NEMP2: variants seen among roughly 807,000 people sequenced by gnomAD.
NEMP2 encodes the protein nuclear envelope integral membrane protein 2.
In NEMP2, 53 loss-of-function variants were observed where a neutral mutation model predicts 54.2. That is an observed-to-expected ratio of 0.98 (90% CI 0.78 to 1.23). The LOEUF is 1.23. NEMP2 is among the 50% of genes most tolerant of loss of function. The pLI is 0.00. For missense variants in NEMP2, 455 were observed against 511.3 expected (o/e 0.89, Z 1.06); for synonymous variants, 197 against 190.3 (o/e 1.04, Z -0.29).
At chr2:190,571,785 G>A in the NEMP2 span, among the ~76,000 whole-genome samples, 34 of 152,166 alleles carry the variant, frequency 2.2e-4, 1 homozygote, top group African/African-American at 7.7e-4. Flanking sequence ...ACAATAACTG[G>A]TTTGTCTCTT....
the NEMP2 span, among the ~76,000 whole-genome samples, chr2:190,637,835 GCTTAGTGTGTATCC>G: frequency 1.3e-5 from 2 of 152,202 alleles, no homozygotes; most frequent in East Asian, 3.8e-4. This position sits in a 1 kb window ranked among gnomAD's most constrained non-coding sequence, Gnocchi z 4.5. Flanking sequence ...GTGCTTATAG[GCTTAGTGTGTATCC>G]CTCAGTCAGT....
At chr2:190,490,076 T>C in the NEMP2 span, among the ~76,000 whole-genome samples, 1 of 146,674 alleles carries the variant, frequency 6.8e-6, no homozygotes. The surrounding 1 kb of genome is among the most constrained non-coding windows in gnomAD (Gnocchi z 4.5). Flanking sequence ...AGCTTGGGGT[T>C]TTCTTGTTTT....
chr2:190,518,419 T>C (rs1166812280), intron 4 of NEMP2, among the ~76,000 whole-genome samples: 2 of 152,154 alleles, frequency 1.3e-5, no homozygotes, highest in Non-Finnish European at 2.9e-5. Flanking sequence ...TAAGAACTAG[T>C]AGTGTGATGA....
the NEMP2 span, among the ~76,000 whole-genome samples, chr2:190,639,742 G>A: frequency 1.3e-5 from 2 of 151,788 alleles, no homozygotes; most frequent in East Asian, 1.9e-4. Flanking sequence ...TCAGCCTCCC[G>A]GGTTCAAGTG....
chr2:190,571,574 C>A, the NEMP2 span, among the ~76,000 whole-genome samples: 1 of 137,218 alleles, frequency 7.3e-6, no homozygotes, highest in Non-Finnish European at 1.7e-5. Context: ...AATAATAAAC[C>A]TTTTCCTTTA....
At chr2:190,538,920 C>T (rs62181056), upstream of NEMP2, among the ~76,000 whole-genome samples, 1 of 151,990 alleles carries the variant, frequency 6.6e-6, no homozygotes, top group Non-Finnish European at 1.5e-5. The surrounding 1 kb of genome is among the most constrained non-coding windows in gnomAD (Gnocchi z 4.1). Context: ...TTGTCTCTTC[C>T]GTTTGTTGAG....
chr2:190,570,097 G>A, the NEMP2 span, among the ~76,000 whole-genome samples: 3 of 152,160 alleles, frequency 2.0e-5, no homozygotes, highest in Non-Finnish European at 2.9e-5. This position sits in a 1 kb window ranked among gnomAD's most constrained non-coding sequence, Gnocchi z 5.4. Context: ...ACCCAGTGTT[G>A]TACAATTATG....
At chr2:190,538,634 CCT>C (rs1691452226), upstream of NEMP2, among the ~76,000 whole-genome samples, 2 of 151,602 alleles carry the variant, frequency 1.3e-5, no homozygotes, top group African/African-American at 4.9e-5. The surrounding 1 kb of genome is among the most constrained non-coding windows in gnomAD (Gnocchi z 4.1). Context: ...TATGTTATTC[CCT>C]GTCTTTTTGA....
chr2:190,566,015 A>G, the NEMP2 span, among the ~76,000 whole-genome samples: 118,241 of 142,868 alleles, frequency 0.83, 49,087 homozygotes, highest in Admixed American at 0.86. Context: ...CTTACTGGAT[A>G]TGGCCACAGG....
At chr2:190,494,593 A>T in the NEMP2 span, among the ~76,000 whole-genome samples, 1 of 152,186 alleles carries the variant, frequency 6.6e-6, no homozygotes, top group East Asian at 1.9e-4. The surrounding 1 kb of genome is among the most constrained non-coding windows in gnomAD (Gnocchi z 5.7). Flanking sequence ...CAATGCAAAA[A>T]TCCTTAACAA....
chr2:190,452,242 C>T, the NEMP2 span, among the ~76,000 whole-genome samples: 1 of 151,986 alleles, frequency 6.6e-6, no homozygotes, highest in Non-Finnish European at 1.5e-5. Flanking sequence ...GAGACAGAGC[C>T]AGACTCCATC....
Position 190,519,216 on chromosome 2 carries a change from G to A in NEMP2, c.214-33C>T. On this transcript the variant is annotated intron_variant, in intron 2 of 8. Transcript: ENST00000409150. The surrounding 1 kb of genome is among the most constrained non-coding windows in gnomAD (Gnocchi z 5.4). ...ACAAGAACAAGCAAATCCATAAACA[G>A]AATAACTTCTCTTTTTTGTTTTGGA... 7.1e-7 allele frequency: 1 copy of A among 1,412,532 alleles called. No homozygotes were observed. The highest frequency in any genetic ancestry group is 9.7e-7 in the Non-Finnish European group (1 of 1,032,884). 87.5% of individuals were successfully genotyped at this position (1,412,532 alleles called of 1,614,324 possible).
At chr2:190,482,321 G>A in the NEMP2 span, among the ~76,000 whole-genome samples, 1 of 151,648 alleles carries the variant, frequency 6.6e-6, no homozygotes, top group African/African-American at 2.4e-5. Context: ...TTCTTTTATT[G>A]CCTGCCCAAT....
chr2:190,605,184 C>T, the NEMP2 span, among the ~76,000 whole-genome samples: 124,019 of 151,942 alleles, frequency 0.82, 50,725 homozygotes, highest in Admixed American at 0.84. Context: ...CATTTAATTA[C>T]GTCATTCTCT....
At chr2:190,555,576 T>A in the NEMP2 span, among the ~76,000 whole-genome samples, 1 of 151,380 alleles carries the variant, frequency 6.6e-6, no homozygotes, top group African/African-American at 2.4e-5. This position sits in a 1 kb window ranked among gnomAD's most constrained non-coding sequence, Gnocchi z 4.8. Flanking sequence ...ATATCAGAGA[T>A]TGAAGATCAA....
the NEMP2 span, among the ~76,000 whole-genome samples, chr2:190,630,594 TA>T: frequency 1.3e-5 from 2 of 152,060 alleles, no homozygotes; most frequent in Admixed American, 6.5e-5. This position sits in a 1 kb window ranked among gnomAD's most constrained non-coding sequence, Gnocchi z 5.5. Flanking sequence ...TTTTGTTTCC[TA>T]AAAAAATCCT....
chr2:190,519,024 T>A lies in NEMP2; in HGVS notation c.373A>T (p.Arg125Trp). The change falls in exon 3 of 9, where the codon AGG (arginine) becomes TGG (tryptophan). Residue 125 changes from arginine to tryptophan, a missense_variant. This residue lies in a region of NEMP2 where 61 missense variants were observed against 97.5 expected (regional missense o/e 0.63). Transcript: ENST00000409150. This position sits in a 1 kb window ranked among gnomAD's most constrained non-coding sequence, Gnocchi z 5.4. ...NEITIIINPY[R>W]ETVCFSVEPV... ...TCCACAGAGAAGCACACAGTCTCCC[T>A]GTATGGATTGATGATTATGGTTATT... 6.4e-7 allele frequency: 1 copy of A among 1,551,302 alleles called. No individual in the cohort carries two copies.
chr2:190,569,535 T>C, the NEMP2 span, among the ~76,000 whole-genome samples: 3 of 152,220 alleles, frequency 2.0e-5, no homozygotes, highest in South Asian at 2.1e-4. Flanking sequence ...AAGCAGTAAA[T>C]GAGAGAACAC....
the NEMP2 span, among the ~76,000 whole-genome samples, chr2:190,481,410 A>C: frequency 6.6e-6 from 1 of 152,196 alleles, no homozygotes; most frequent in East Asian, 1.9e-4. Context: ...AACCTTACCC[A>C]GGGTACCTTT....
Sources: gnomAD v4.1 joint callset for allele counts (sites outside exome capture counted in the v4.1 genomes callset) on GRCh38, gnomAD v4.1.1 for gene constraint, gnomAD v4.1.1 regional missense constraint, Gnocchi (gnomAD v3.1) non-coding constraint, MANE v1.5 for transcripts, NCBI Gene and HGNC (gene_info 2026-07-23, HGNC 2026-07-21) for gene names.